Variants in PALS2 observed in about 807,000 individuals in gnomAD.
PALS2 encodes the protein protein associated with LIN7 2, MAGUK p55 family member.
PALS2 carries 27 observed loss-of-function variants against 61.6 expected under a neutral mutation model. The observed-to-expected ratio is 0.44, with a 90% confidence interval of 0.32 to 0.60. The LOEUF is 0.60. Among genes scored for constraint, PALS2 ranks in the 20% least tolerant of loss-of-function variants. The pLI, the probability that PALS2 is intolerant of heterozygous loss-of-function variation, is 0.05. For synonymous variants in PALS2, 236 were observed against 218.6 expected (o/e 1.08, Z -0.70); for missense variants, 554 against 639.4 (o/e 0.87, Z 1.44).
At chr7:24,632,212 A>G (rs982652062) in intron 2 of PALS2, among the ~76,000 whole-genome samples, 3 of 152,182 alleles carry the variant, frequency 2.0e-5, no homozygotes, top group East Asian at 1.9e-4. Flanking sequence ...TTTGTTCCCA[A>G]TAATTTTTCT....
rs1787791819 is a variant in PALS2 at position 24,679,280 on chromosome 7, A to G, written c.1264A>G (p.Ile422Val). The change falls in exon 10 of 12, where the codon ATT (isoleucine) becomes GTT (valine). Residue 422 changes from isoleucine (I) to valine (V), a missense_variant. Coordinates refer to ENST00000222644, the MANE Select transcript of PALS2 (RefSeq NM_001303037.2). ...GNLYGTKIDS[I>V]LEVVQTGRTC... The stretch of plus-strand genomic sequence containing the variant: ...TCTCTATGGAACCAAAATTGATTCT[A>G]TTCTTGAGGTTGTCCAAACTGGACG... 8.7e-6 allele frequency: 14 copies of G among 1,614,120 alleles called. No homozygotes were observed. The highest frequency in any genetic ancestry group is 1.1e-5 in the Non-Finnish European group (13 of 1,179,964).
intron 1 of PALS2, among the ~76,000 whole-genome samples, chr7:24,599,781 A>G (rs1012380421): frequency 6.6e-6 from 1 of 152,064 alleles, no homozygotes; most frequent in Non-Finnish European, 1.5e-5. Context: ...CCGGGATTAC[A>G]GGTGTGAGCC....
intron 3 of PALS2, among the ~76,000 whole-genome samples, chr7:24,648,997 A>C (rs892573019): frequency 1.3e-5 from 2 of 152,106 alleles, no homozygotes; most frequent in African/African-American, 4.8e-5. Flanking sequence ...GGTAAAAAAA[A>C]TACGTTATAT....
chr7:24,657,646 A>G (rs1030519765), intron 5 of PALS2, among the ~76,000 whole-genome samples: 2 of 152,198 alleles, frequency 1.3e-5, no homozygotes, highest in African/African-American at 4.8e-5. Context: ...TCCAGTCTCT[A>G]TCTTGTCTTT....
intron 5 of PALS2, 67 bp downstream of exon 5, chr7:24,650,779 A>C (rs1354846467): frequency 9.2e-7 from 1 of 1,083,278 alleles, no homozygotes; most frequent in Non-Finnish European, 1.3e-6. Flanking sequence ...GTTGGAAATA[A>C]CTATCAGTTG....
In PALS2 at chr7:24,687,570, C is replaced by T; in HGVS notation, c.1579C>T (p.Leu527=). ...AAAACTGCAAACTGCCATAGAGAAA[C>T]TGAGAATGGAACCACAGTGGGTCCC... ...FEKLQTAIEK[L]RMEPQWVPIS... The change falls in exon 12 of 12, where the codon CTG becomes TTG. Residue 527 remains leucine (L), a synonymous_variant. Coordinates refer to ENST00000222644, the MANE Select transcript of PALS2 (RefSeq NM_001303037.2). The surrounding 1 kb of genome is among the most constrained non-coding windows in gnomAD (Gnocchi z 4.5). 5 of 1,611,962 alleles carry T rather than the reference C, an allele frequency of 3.1e-6. No individual in the cohort carries two copies. The highest frequency in any genetic ancestry group is 4.2e-6 in the Non-Finnish European group (5 of 1,179,314).
At position 24,681,229 on chromosome 7, in the gene PALS2, CTTT is replaced by C. The variant is rs1333395672; in HGVS notation, c.1446+713_1446+715del. On this transcript the variant is annotated intron_variant, in intron 11 of 11. Transcript: ENST00000222644. ...TGTTTTTTCCTTTTTTTCCTGTCTA[CTTT>C]TTTACTTAATGGAAATTCAAAAATA... Among the ~76,000 whole-genome samples the C allele has an allele frequency of 5.9e-5, 9 of 151,966 alleles. No individual in the cohort carries two copies. The East Asian group carries it at 1.5e-3, about 26-fold the overall frequency.
chr7:24,667,770 T>G (rs186493069), intron 8 of PALS2, among the ~76,000 whole-genome samples: 1 of 150,952 alleles, frequency 6.6e-6, no homozygotes, highest in Admixed American at 6.7e-5. Context: ...GTTCAAGTGA[T>G]TCCCCTGCCT....
intron 1 of PALS2, among the ~76,000 whole-genome samples, chr7:24,607,172 A>T (rs1231956781): frequency 2.0e-5 from 3 of 152,128 alleles, no homozygotes; most frequent in Non-Finnish European, 4.4e-5. Context: ...TAGATTTTTT[A>T]AAAATACTAC....
intron 9 of PALS2, among the ~76,000 whole-genome samples, chr7:24,675,076 C>A (rs1787492771): frequency 6.6e-6 from 1 of 152,094 alleles, no homozygotes; most frequent in South Asian, 2.1e-4. Flanking sequence ...AAATATGTGG[C>A]AACGTAGATT....
chr7:24,665,410 T>G (rs1159888190), intron 6 of PALS2, among the ~76,000 whole-genome samples, 178 bp from the exon 7 acceptor site: 1 of 152,210 alleles, frequency 6.6e-6, no homozygotes, highest in Non-Finnish European at 1.5e-5. Flanking sequence ...AGGTGCCAAT[T>G]GATTCTTCAG....
chr7:24,636,212 CAAAAAAAA>C (rs553687246), intron 2 of PALS2, among the ~76,000 whole-genome samples: 2 of 65,376 alleles, frequency 3.1e-5, no homozygotes, highest in South Asian at 5.0e-4. Flanking sequence ...AACTCTATCT[CAAAAAAAA>C]AAAAAAAAAA....
chr7:24,611,363 A>G (rs1043836229), intron 1 of PALS2, among the ~76,000 whole-genome samples: 3 of 152,104 alleles, frequency 2.0e-5, no homozygotes, highest in Non-Finnish European at 2.9e-5. Flanking sequence ...GTACTACTCT[A>G]TAAACAATAT....
rs756294572 is a variant in PALS2 at position 24,679,358 on chromosome 7, G to C, written c.1317+25G>C. ...AGTAAGCTGCTTGGATTCCAAAGCT[G>C]TTTTATATTTTATTTTCTGTGGAGT... On this transcript the variant is annotated intron_variant, in intron 10 of 11. Transcript: ENST00000222644. The C allele has an allele frequency of 3.1e-6, 5 of 1,605,494 alleles. No homozygotes were observed. The East Asian group carries it at 8.9e-5, about 29-fold the overall frequency.
At chr7:24,591,816 T>A (rs1245417775) in intron 1 of PALS2, among the ~76,000 whole-genome samples, 1 of 152,134 alleles carries the variant, frequency 6.6e-6, no homozygotes, top group East Asian at 1.9e-4. Flanking sequence ...ATTAACATTG[T>A]ACTCATAGCC....
intron 1 of PALS2, among the ~76,000 whole-genome samples, chr7:24,611,335 A>C (rs1490853359): frequency 6.6e-6 from 1 of 152,054 alleles, no homozygotes; most frequent in Non-Finnish European, 1.5e-5. Flanking sequence ...AATTCACGGG[A>C]AGTTGATAGC....
Position 24,665,673 on chromosome 7 carries a change from A to T in PALS2, c.869A>T (p.Asp290Val). 2 of 1,613,634 alleles carry T rather than the reference A, an allele frequency of 1.2e-6. No individual in the cohort carries two copies. The highest frequency in any genetic ancestry group is 1.7e-6 in the Non-Finnish European group (2 of 1,179,580). The change falls in exon 7 of 12, where the codon GAC becomes GTC. Residue 290 changes from aspartate to valine, a missense_variant. By Grantham distance (152) the Asp-to-Val change is radical. Coordinates refer to ENST00000222644, the MANE Select transcript of PALS2 (RefSeq NM_001303037.2). ...EEKRKAFVRR[D>V]WDNSGPFCGT... ...AAGAGAAAGGCATTTGTTAGAAGAGACTGGGACAATTCAGGTGATGAGCTC... is the reference window on the plus strand; with the variant it reads ...AAGAGAAAGGCATTTGTTAGAAGAGTCTGGGACAATTCAGGTGATGAGCTC...
chr7:24,602,953 G>A (rs753216045), intron 1 of PALS2, among the ~76,000 whole-genome samples: 1 of 152,170 alleles, frequency 6.6e-6, no homozygotes, highest in Non-Finnish European at 1.5e-5. Flanking sequence ...GCTGCCCTGT[G>A]AAGAGGTGCC....
intron 1 of PALS2, among the ~76,000 whole-genome samples, chr7:24,612,425 T>A (rs539758037): frequency 6.6e-6 from 1 of 152,054 alleles, no homozygotes; most frequent in South Asian, 2.1e-4. Context: ...ACTTTCTTTT[T>A]CAGGTAAATT....
Sources: allele counts gnomAD v4.1 joint callset (sites outside exome capture counted in the v4.1 genomes callset), GRCh38; gene constraint gnomAD v4.1.1; non-coding constraint Gnocchi (gnomAD v3.1); transcripts MANE v1.5; gene names NCBI Gene and HGNC (gene_info 2026-07-23, HGNC 2026-07-21).